FKBP1B: variants seen among roughly 807,000 people sequenced by gnomAD.
FKBP1B encodes the protein peptidyl-prolyl cis-trans isomerase FKBP1B.
In FKBP1B, 4 loss-of-function variants were observed where a neutral mutation model predicts 13.5. The observed-to-expected ratio is 0.30, with a 90% CI of 0.15 to 0.68. The LOEUF is 0.68. Among genes scored for constraint, FKBP1B ranks in the 30% least tolerant of loss-of-function variants. The probability of loss-of-function intolerance (pLI) is 0.76; values close to 1 mark genes in which losing one functional copy is unlikely to be tolerated. For missense variants in FKBP1B, 93 were observed against 136.2 expected (o/e 0.68, Z 1.58); for synonymous variants, 54 against 53.6 (o/e 1.01, Z -0.03).
At chr2:24,034,730 C>T in the FKBP1B span, among the ~76,000 whole-genome samples, 5 of 151,876 alleles carry the variant, frequency 3.3e-5, no homozygotes, top group Admixed American at 1.3e-4. Flanking sequence ...GGTGCCATCA[C>T]GGCTGGCTAA....
chr2:24,053,469 T>G (rs1346711687), intron 1 of FKBP1B, among the ~76,000 whole-genome samples: 1 of 151,954 alleles, frequency 6.6e-6, no homozygotes, highest in Non-Finnish European at 1.5e-5. Flanking sequence ...TATTCATCTT[T>G]GATGGATGGA....
chr2:24,049,693 GC>G, upstream of FKBP1B: 1 of 482,926 alleles, frequency 2.1e-6, no homozygotes, highest in Non-Finnish European at 3.3e-6. Flanking sequence ...CTTGCCAGTG[GC>G]CCCTCCCCGC....
At chr2:24,035,883 A>G in the FKBP1B span, among the ~76,000 whole-genome samples, 1 of 151,576 alleles carries the variant, frequency 6.6e-6, no homozygotes, top group Admixed American at 6.6e-5. Flanking sequence ...ATCCTGGCCA[A>G]CACGGTGAAA....
chr2:24,039,746 G>A, the FKBP1B span, among the ~76,000 whole-genome samples: 1 of 152,084 alleles, frequency 6.6e-6, no homozygotes, highest in Non-Finnish European at 1.5e-5. Flanking sequence ...TTTAGAACTG[G>A]GGAAATCTGA....
chr2:24,055,791 G>A (rs1413852880), intron 2 of FKBP1B, among the ~76,000 whole-genome samples: 2 of 152,104 alleles, frequency 1.3e-5, no homozygotes, highest in East Asian at 1.9e-4. Flanking sequence ...GCATCTCTTA[G>A]TGTACATGTG....
At chr2:24,045,341 C>G (rs756178195), upstream of FKBP1B, among the ~76,000 whole-genome samples, 2 of 152,160 alleles carry the variant, frequency 1.3e-5, no homozygotes, top group Non-Finnish European at 2.9e-5. Flanking sequence ...GTGCCTCATG[C>G]CTGTAATCCC....
rs374337279 is a variant in FKBP1B, at chr2:24,060,764, G to T, written c.86-50G>T. The stretch of plus-strand genomic sequence containing the variant: ...TTTAGACATGTGGAATCTGAATTGG[G>T]AGTTTACTCATGACCACAGCTCTAT... On this transcript the variant is annotated intron_variant, in intron 2 of 3. Transcript: ENST00000380986. 3.7e-5 allele frequency: 49 copies of T among 1,333,662 alleles called. No individual in the cohort carries two copies. In the African/African-American group the frequency reaches 6.3e-4, roughly 17 times the overall value. The allele number at this position is 1,333,662 out of a possible 1,614,324, so 82.6% of individuals were successfully genotyped here. A position where few individuals can be genotyped will look rare whatever the true frequency, so the allele number is the denominator to read the frequency against.
chr2:24,037,982 T>G, the FKBP1B span: 1 of 1,614,100 alleles, frequency 6.2e-7, no homozygotes, highest in Admixed American at 1.7e-5. Context: ...TCACAGATAC[T>G]AGACAGAGGA....
At chr2:24,054,338 A>G in intron 2 of FKBP1B, 2 of 327,678 alleles carry the variant, frequency 6.1e-6, no homozygotes, top group Non-Finnish European at 1.2e-5. Context: ...AGAGAAGAAG[A>G]GGAGGGGAGA....
chr2:24,059,240 G>C (rs1664270024), intron 2 of FKBP1B, among the ~76,000 whole-genome samples: 1 of 150,650 alleles, frequency 6.6e-6, no homozygotes, highest in Non-Finnish European at 1.5e-5. Context: ...TCTGATCTTT[G>C]AGTCAGAGTC....
At chr2:24,041,277 T>A in the FKBP1B span, among the ~76,000 whole-genome samples, 5 of 149,306 alleles carry the variant, frequency 3.3e-5, no homozygotes, top group Admixed American at 1.3e-4. Context: ...AGGTAGAGAT[T>A]ACAGTGAGCC....
intron 2 of FKBP1B, among the ~76,000 whole-genome samples, chr2:24,060,151 A>C (rs2150970478): frequency 1.3e-5 from 2 of 152,320 alleles, no homozygotes; most frequent in South Asian, 4.1e-4. Context: ...TCTGGATGCC[A>C]AGTGGACAAT....
chr2:24,036,220 T>C, the FKBP1B span, among the ~76,000 whole-genome samples: 1 of 150,538 alleles, frequency 6.6e-6, no homozygotes, highest in East Asian at 2.0e-4. Context: ...AAATGTAGGG[T>C]TGGGGCCACA....
chr2:24,035,274 A>G, the FKBP1B span, among the ~76,000 whole-genome samples: 68 of 152,054 alleles, frequency 4.5e-4, no homozygotes, highest in South Asian at 0.013. Context: ...TCTCTAGGAC[A>G]TACTATTAAA....
chr2:24,039,369 G>A, the FKBP1B span: 7 of 1,614,240 alleles, frequency 4.3e-6, no homozygotes, highest in Non-Finnish European at 5.9e-6. Context: ...CCTCTCCACT[G>A]TGAAGCCGCA....
the FKBP1B span, among the ~76,000 whole-genome samples, chr2:24,035,961 T>C: frequency 1.3e-5 from 2 of 150,926 alleles, no homozygotes; most frequent in Admixed American, 6.6e-5. Context: ...CCCAGCTACT[T>C]GGGAGGCTGA....
intron 2 of FKBP1B, among the ~76,000 whole-genome samples, chr2:24,057,015 TA>T (rs1400662041): frequency 2.6e-5 from 4 of 152,162 alleles, no homozygotes; most frequent in African/African-American, 9.7e-5. Flanking sequence ...TGTTGATTTA[TA>T]GGAGTTTTGT....
intron 1 of FKBP1B, 67 bp from the exon 2 acceptor site, chr2:24,053,834 TC>T: frequency 6.9e-7 from 1 of 1,459,728 alleles, no homozygotes; most frequent in South Asian, 1.1e-5. Flanking sequence ...TTGGTCAGGA[TC>T]ATACTTAATG....
upstream of FKBP1B, among the ~76,000 whole-genome samples, chr2:24,048,470 C>CAAA (rs11367799): frequency 2.3e-5 from 2 of 87,016 alleles, no homozygotes; most frequent in African/African-American, 4.2e-5. Context: ...GATTCTGTCT[C>CAAA]AAAAAAAAAA....
Sources: gnomAD v4.1 joint callset for allele counts (sites outside exome capture counted in the v4.1 genomes callset) on GRCh38, gnomAD v4.1.1 for gene constraint, MANE v1.5 for transcripts, NCBI Gene and HGNC (gene_info 2026-07-23, HGNC 2026-07-21) for gene names.